Variants in PTPRK observed in about 807,000 individuals in gnomAD.
PTPRK encodes the protein receptor-type tyrosine-protein phosphatase kappa.
In PTPRK, 75 loss-of-function variants were observed where a neutral mutation model predicts 178.0. The ratio of observed to expected loss-of-function variants is 0.42; its 90% confidence interval spans 0.35 to 0.51. The LOEUF is 0.51. PTPRK is among the 20% of genes least tolerant of loss of function. The probability of loss-of-function intolerance (pLI) is 0.02; values close to 1 mark genes in which losing one functional copy is unlikely to be tolerated. For missense variants in PTPRK, 1,441 were observed against 1,797.8 expected, an observed-to-expected ratio of 0.80 and a Z score of 3.59; for synonymous variants, 637 against 620.6, an observed-to-expected ratio of 1.03 and a Z score of -0.39.
chr6:128,272,697 A>C (rs1386128975), intron 3 of PTPRK, among the ~76,000 whole-genome samples: 1 of 152,196 alleles, frequency 6.6e-6, no homozygotes, highest in African/African-American at 2.4e-5. Flanking sequence ...ATCATTAAAA[A>C]GTCAGGAAAC....
intron 22 of PTPRK, among the ~76,000 whole-genome samples, chr6:127,984,573 G>T (rs1318155347): frequency 1.3e-5 from 2 of 152,120 alleles, no homozygotes; most frequent in Non-Finnish European, 1.5e-5. Context: ...CAATTCATAA[G>T]AAAGTAAACC....
At chr6:127,991,537 C>A (rs1232465238) in intron 19 of PTPRK, 146 bp from the exon 20 acceptor site, 48 of 417,428 alleles carry the variant, frequency 1.1e-4, no homozygotes, top group Non-Finnish European at 1.4e-4. Flanking sequence ...AAATTCAGTT[C>A]ATATCTAAAT....
intron 2 of PTPRK, among the ~76,000 whole-genome samples, chr6:128,364,157 T>G (rs1215722797): frequency 6.6e-6 from 1 of 152,116 alleles, no homozygotes; most frequent in Non-Finnish European, 1.5e-5. Flanking sequence ...CATTCAATTT[T>G]TATAAAATTA....
chr6:128,248,580 A>G (rs567452698), intron 3 of PTPRK, among the ~76,000 whole-genome samples: 1 of 152,316 alleles, frequency 6.6e-6, no homozygotes, highest in African/African-American at 2.4e-5. Context: ...CAGGAACCCA[A>G]TACTGGCCAA....
intron 7 of PTPRK, among the ~76,000 whole-genome samples, chr6:128,178,656 C>CATCTATCTATCTATCTATCT (rs71028114): frequency 5.5e-5 from 8 of 145,996 alleles, no homozygotes; most frequent in African/African-American, 1.8e-4. Context: ...GTAGAGAAGA[C>CATCTATCTATCTATCTATCT]ATCTATCTAT....
intron 3 of PTPRK, among the ~76,000 whole-genome samples, chr6:128,249,681 T>A (rs2128288436): frequency 6.6e-6 from 1 of 152,238 alleles, no homozygotes; most frequent in African/African-American, 2.4e-5. Context: ...ATCCAGGCGC[T>A]TTCCACACAT....
At chr6:128,495,965 G>A (rs1045604783) in intron 1 of PTPRK, among the ~76,000 whole-genome samples, 2 of 152,142 alleles carry the variant, frequency 1.3e-5, no homozygotes, top group African/African-American at 4.8e-5. Flanking sequence ...CTTTCCTAAT[G>A]TCAAAATTCC....
intron 8 of PTPRK, among the ~76,000 whole-genome samples, chr6:128,088,172 G>A (rs73584664): frequency 0.011 from 1,649 of 152,224 alleles, 22 homozygotes; most frequent in African/African-American, 0.037. Context: ...GATGTCAGGA[G>A]TTCAAGAGCA....
Position 127,969,917 on chromosome 6 carries a change from T to C in PTPRK, c.*310A>G, listed in dbSNP as rs1322499444. ...ATGCAACATGTGGTAGCTGCTCTACTGAAACCATGAGAAAAAAGGTGGCAT... is the reference window on the plus strand; with the variant it reads ...ATGCAACATGTGGTAGCTGCTCTACCGAAACCATGAGAAAAAAGGTGGCAT... On this transcript the variant is annotated 3_prime_UTR_variant, in exon 30 of 30. Coordinates refer to ENST00000368226, the MANE Select transcript of PTPRK (RefSeq NM_002844.4). The C allele has an allele frequency of 4.6e-6, 1 of 217,830 alleles. No homozygotes were observed. Among genetic ancestry groups the C allele is most frequent in the African/African-American group, 2.3e-5 (1 of 44,100 alleles). 13.5% of individuals were successfully genotyped at this position (217,830 alleles called of 1,614,324 possible).
intron 1 of PTPRK, among the ~76,000 whole-genome samples, chr6:128,417,117 T>A (rs1842940853): frequency 6.6e-6 from 1 of 151,802 alleles, no homozygotes. Context: ...TTTCCCCTTT[T>A]TTTATATAGT....
At chr6:128,330,600 G>A (rs1830135947) in intron 2 of PTPRK, among the ~76,000 whole-genome samples, 1 of 152,080 alleles carries the variant, frequency 6.6e-6, no homozygotes, top group Non-Finnish European at 1.5e-5. Context: ...CCTCTCAGGA[G>A]GACAAATAGA....
intron 14 of PTPRK, among the ~76,000 whole-genome samples, chr6:128,006,322 C>CA (rs1778409703): frequency 6.6e-6 from 1 of 150,404 alleles, no homozygotes; most frequent in East Asian, 2.0e-4. Flanking sequence ...TTCTTATTGC[C>CA]AAAATATTGA....
chr6:128,447,914 G>A (rs913494949), intron 1 of PTPRK, among the ~76,000 whole-genome samples: 12 of 152,154 alleles, frequency 7.9e-5, no homozygotes, highest in East Asian at 3.9e-4. Context: ...GAGCCACCGC[G>A]CCCGGCCCAT....
intron 3 of PTPRK, among the ~76,000 whole-genome samples, chr6:128,295,609 CA>C (rs1471639076): frequency 6.6e-6 from 1 of 152,100 alleles, no homozygotes; most frequent in Non-Finnish European, 1.5e-5. Context: ...AATCTGATCA[CA>C]GTTGATACTT....
chr6:128,207,798 A>G (rs913201338), intron 6 of PTPRK, among the ~76,000 whole-genome samples: 2 of 152,178 alleles, frequency 1.3e-5, no homozygotes, highest in African/African-American at 4.8e-5. Flanking sequence ...TAAATTAAGT[A>G]TCTTACCCAC....
In PTPRK at chr6:128,005,217, G is replaced by C. The variant is rs1434738405; in HGVS notation, c.2361C>G (p.Ala787=). ...TCATCTCCTGCCGGGTATTCCCCAT[G>C]GCATCTTTGCGTTTTTTAGCAAGTT... The part of the protein sequence containing the change: ...KSKLAKKRKD[A]MGNTRQEMTH... The change falls in exon 15 of 30, where the codon GCC becomes GCG. Residue 787 remains alanine (A), a synonymous_variant. Transcript: ENST00000368226. 1.3e-5 allele frequency: 21 copies of C among 1,610,894 alleles called. No homozygotes were observed. Among genetic ancestry groups the C allele is most frequent in the Non-Finnish European group, 1.8e-5 (21 of 1,178,226 alleles).
chr6:128,374,035 C>A (rs1836668068), intron 2 of PTPRK, among the ~76,000 whole-genome samples: 1 of 152,098 alleles, frequency 6.6e-6, no homozygotes, highest in African/African-American at 2.4e-5. Context: ...ATTAATCTCA[C>A]ACCTTGTTTG....
intron 2 of PTPRK, among the ~76,000 whole-genome samples, chr6:128,324,877 T>C (rs770187347): frequency 6.6e-6 from 1 of 152,172 alleles, no homozygotes; most frequent in African/African-American, 2.4e-5. Context: ...GCTATTCTTA[T>C]CAACATCTAA....
intron 13 of PTPRK, among the ~76,000 whole-genome samples, chr6:128,045,910 A>AC (rs1484110599): frequency 6.6e-6 from 1 of 152,092 alleles, no homozygotes; most frequent in Non-Finnish European, 1.5e-5. Flanking sequence ...GTAATATAAC[A>AC]TTTTTATTCT....
Sources: allele counts gnomAD v4.1 joint callset (sites outside exome capture counted in the v4.1 genomes callset), GRCh38; gene constraint gnomAD v4.1.1; transcripts MANE v1.5; gene names NCBI Gene and HGNC (gene_info 2026-07-23, HGNC 2026-07-21).